Variants in MYO16 observed in about 807,000 individuals in gnomAD.
MYO16 encodes myosin XVI.
Under a neutral mutation model 205.3 loss-of-function variants are expected in MYO16, and 94 were observed. That is an observed-to-expected ratio of 0.46 (90% CI 0.39 to 0.54). MYO16 has a LOEUF of 0.54. MYO16 is among the 20% of genes least tolerant of loss of function. The pLI is 0.00. For synonymous variants in MYO16, 988 were observed against 954.0 expected, an observed-to-expected ratio of 1.04 and a Z score of -0.66; for missense variants, 2,315 against 2,387.5, an observed-to-expected ratio of 0.97 and a Z score of 0.63.
intron 12 of MYO16, among the ~76,000 whole-genome samples, chr13:108,877,529 G>A (rs541272728): frequency 6.6e-6 from 1 of 152,360 alleles, no homozygotes; most frequent in East Asian, 1.9e-4. Flanking sequence ...CAGAGTGCCT[G>A]TAAGCTATTA....
chr13:108,783,846 C>A (rs1368760781), intron 4 of MYO16, among the ~76,000 whole-genome samples: 1 of 152,122 alleles, frequency 6.6e-6, no homozygotes, highest in African/African-American at 2.4e-5. Flanking sequence ...CTGAGGCCTC[C>A]CCAGGCTTGT....
chr13:108,898,228 C>T lies in MYO16; in HGVS notation c.1777+95C>T, dbSNP rs545099719. Reference sequence around the variant, plus strand: ...CGCTATGGACACACTGTGTATGAATCAATGCTGGGAGAGAAAACCTATTCT... The same window carrying T: ...CGCTATGGACACACTGTGTATGAATTAATGCTGGGAGAGAAAACCTATTCT... On this transcript the variant is annotated intron_variant, in intron 15 of 34. Transcript: ENST00000457511. 3.7e-5 allele frequency: 34 copies of T among 915,518 alleles called. No homozygotes were observed. The East Asian group carries it at 8.0e-4, about 21-fold the overall frequency. 56.7% of individuals were successfully genotyped at this position (915,518 alleles called of 1,614,324 possible). A position where few individuals can be genotyped will look rare whatever the true frequency, so the allele number is the denominator to read the frequency against.
Position 108,700,350 on chromosome 13 carries a change from AGAAG to A in MYO16, c.293-12310_293-12307del, listed in dbSNP as rs749519761. Among the ~76,000 whole-genome samples the A allele has an allele frequency of 3.1e-3, 364 of 115,574 alleles. 2 individuals carry two copies. The highest frequency in any genetic ancestry group is 5.2e-3 in the Middle Eastern group (1 of 192). 75.8% of individuals were successfully genotyped at this position (115,574 alleles called of 152,430 possible). ...TCTGTCTCAAAAAAAAAAAAAAAAAAGAAGAAGAAGAAGAAGAAGAAGGATTTAT... is the reference window on the plus strand; with the variant it reads ...TCTGTCTCAAAAAAAAAAAAAAAAAAAAGAAGAAGAAGAAGAAGGATTTAT... On this transcript the variant is annotated intron_variant, in intron 2 of 34. Coordinates refer to ENST00000457511, the MANE Select transcript of MYO16 (RefSeq NM_001198950.3).
intron 2 of MYO16, among the ~76,000 whole-genome samples, chr13:108,668,634 T>C (rs1234032847): frequency 1.3e-5 from 2 of 152,274 alleles, no homozygotes; most frequent in Admixed American, 6.5e-5. Context: ...CAGTGATGGA[T>C]ACGGGGCAGG....
At chr13:108,750,757 A>T (rs1785768591) in intron 4 of MYO16, among the ~76,000 whole-genome samples, 1 of 152,142 alleles carries the variant, frequency 6.6e-6, no homozygotes, top group African/African-American at 2.4e-5. Flanking sequence ...CAGTGAGCTG[A>T]GATCATGCCA....
chr13:108,918,861 C>T (rs1483018572), intron 16 of MYO16, among the ~76,000 whole-genome samples: 1 of 151,578 alleles, frequency 6.6e-6, no homozygotes, highest in Non-Finnish European at 1.5e-5. Context: ...ATCGCGGGAA[C>T]CTGGGAGGAG....
At position 109,100,681 on chromosome 13, in the gene MYO16, C is replaced by T. The variant is rs181252711; in HGVS notation, c.3336-104C>T. On this transcript the variant is annotated intron_variant, in intron 27 of 34. Transcript: ENST00000457511. ...TGGCTGTTCCTGGGATAAAGAAAGA[C>T]GGGGAAACTTTTGGGAAACGATGTA... The T allele has an allele frequency of 7.7e-4, 628 of 817,676 alleles. 1 individual carries two copies. Among genetic ancestry groups the T allele is most frequent in the Non-Finnish European group, 1.1e-3 (538 of 506,350 alleles). The allele number at this position is 817,676 out of a possible 1,614,324, so 50.7% of individuals were successfully genotyped here. A position where few individuals can be genotyped will look rare whatever the true frequency, so the allele number is the denominator to read the frequency against.
Position 108,629,783 on chromosome 13 carries a change from C to G in MYO16, c.-62C>G, listed in dbSNP as rs529002236. On this transcript the variant is annotated 5_prime_UTR_variant, in exon 1 of 35. Coordinates refer to ENST00000457511, the MANE Select transcript of MYO16 (RefSeq NM_001198950.3). ...CTTTAAGTAATGCATTTCCTGGGAA[C>G]GACAGTTGTGACAGAAGAGAATGCT... 6.8e-7 allele frequency: 1 copy of G among 1,469,600 alleles called. No individual in the cohort carries two copies. The highest frequency in any genetic ancestry group is 9.2e-7 in the Non-Finnish European group (1 of 1,090,062). 91.0% of individuals were successfully genotyped at this position (1,469,600 alleles called of 1,614,324 possible). A position where few individuals can be genotyped will look rare whatever the true frequency, so the allele number is the denominator to read the frequency against.
intron 15 of MYO16, among the ~76,000 whole-genome samples, chr13:108,906,246 A>T (rs932171314): frequency 1.3e-5 from 2 of 152,184 alleles, no homozygotes; most frequent in African/African-American, 4.8e-5. Context: ...CCCCCTGAGG[A>T]ATGTCGAGAA....
intron 28 of MYO16, among the ~76,000 whole-genome samples, chr13:109,117,420 GTATATGTGTATATATATGTA>G (rs1245948467): frequency 1.3e-3 from 174 of 134,498 alleles, no homozygotes; most frequent in African/African-American, 4.3e-3. Context: ...GTGTATATAT[GTATATGTGTATATATATGTA>G]TATATATGTA....
intron 1 of MYO16, among the ~76,000 whole-genome samples, chr13:108,664,907 A>G (rs745645478): frequency 2.0e-5 from 3 of 152,220 alleles, no homozygotes; most frequent in Non-Finnish European, 4.4e-5. Flanking sequence ...TAATCACTAT[A>G]TAAATAAAAC....
At chr13:108,784,304 C>A (rs1886394111) in intron 4 of MYO16, among the ~76,000 whole-genome samples, 1 of 151,820 alleles carries the variant, frequency 6.6e-6, no homozygotes, top group African/African-American at 2.4e-5. Context: ...ATCTTGAGGA[C>A]CTTAAAATTA....
intron 19 of MYO16, among the ~76,000 whole-genome samples, chr13:108,962,768 A>G (rs1452414927): frequency 6.6e-6 from 1 of 152,228 alleles, no homozygotes; most frequent in Non-Finnish European, 1.5e-5. Flanking sequence ...CTTCAAAGAA[A>G]ATATTGGATC....
intron 3 of MYO16, among the ~76,000 whole-genome samples, chr13:108,714,340 C>A (rs1329723909): frequency 2.6e-5 from 4 of 152,178 alleles, no homozygotes; most frequent in African/African-American, 9.6e-5. Context: ...CAGGCGTGAG[C>A]CACCGTGCCC....
At chr13:108,731,442 G>A (rs961588464) in intron 4 of MYO16, among the ~76,000 whole-genome samples, 61 of 152,110 alleles carry the variant, frequency 4.0e-4, no homozygotes, top group African/African-American at 1.4e-3. Context: ...TTTACCTCAC[G>A]TGTTCTACAC....
chr13:108,653,179 A>G (rs983721239), intron 1 of MYO16, among the ~76,000 whole-genome samples: 1 of 152,196 alleles, frequency 6.6e-6, no homozygotes, highest in Non-Finnish European at 1.5e-5. Context: ...GGGAATTTGT[A>G]TATCATCTTT....
rs186822582 is a variant in MYO16 at position 108,958,814 on chromosome 13, A to G, written c.2037+1015A>G. 1.5e-3 allele frequency among the ~76,000 whole-genome samples: 223 copies of G among 152,298 alleles called. 2 individuals are homozygous for G. Among genetic ancestry groups the G allele is most frequent in the South Asian group, 2.5e-3 (12 of 4,824 alleles). On this transcript the variant is annotated intron_variant, in intron 17 of 34. Transcript: ENST00000457511. ...TCCCAGAGGCATTATCTCTGCCTCC[A>G]TTCAACATGGTGGTGTTTTGGATTA... is the stretch of plus-strand genomic sequence containing the variant.
intron 2 of MYO16, among the ~76,000 whole-genome samples, chr13:108,667,009 T>C (rs1427076485): frequency 6.6e-6 from 1 of 152,206 alleles, no homozygotes; most frequent in Non-Finnish European, 1.5e-5. Context: ...ATGAGCATCT[T>C]CACAATTCAT....
At chr13:108,621,079 C>T (rs1879524916) in intron 1 of MYO16, among the ~76,000 whole-genome samples, 1 of 152,184 alleles carries the variant, frequency 6.6e-6, no homozygotes, top group Non-Finnish European at 1.5e-5. Context: ...CCTGCTTTGC[C>T]TAATCTCTTC....
Sources: allele counts gnomAD v4.1 joint callset (sites outside exome capture counted in the v4.1 genomes callset), GRCh38; gene constraint gnomAD v4.1.1; transcripts MANE v1.5; gene names NCBI Gene and HGNC (gene_info 2026-07-23, HGNC 2026-07-21).